The following FHIP1A variants were observed in gnomAD, a reference collection of about 807,000 sequenced individuals.
FHIP1A encodes the protein FHF complex subunit HOOK-interacting protein 1A.
In FHIP1A, 61 loss-of-function variants were observed where a neutral mutation model predicts 88.6. That is an observed-to-expected ratio of 0.69 (90% CI 0.56 to 0.85). The LOEUF is 0.85. Ranked by LOEUF, FHIP1A falls within the 40% of genes least tolerant of loss-of-function variation. FHIP1A has a pLI of 0.00. For synonymous variants in FHIP1A, 478 were observed against 496.0 expected, an observed-to-expected ratio of 0.96 and a Z score of 0.48; for missense variants, 1,154 against 1,273.5, an observed-to-expected ratio of 0.91 and a Z score of 1.43.
chr4:151,476,226 C>T (rs1406320185), intron 2 of FHIP1A, among the ~76,000 whole-genome samples: 6 of 148,314 alleles, frequency 4.0e-5, no homozygotes, highest in Admixed American at 6.8e-5. Context: ...ACTGTGGCCT[C>T]AAACTCCTGG....
At chr4:151,560,074 A>C (rs1290502367) in intron 3 of FHIP1A, among the ~76,000 whole-genome samples, 1 of 152,190 alleles carries the variant, frequency 6.6e-6, no homozygotes, top group African/African-American at 2.4e-5. Flanking sequence ...GCTGAAAACT[A>C]CAGCCACCTC....
At chr4:151,569,462 G>A (rs1733514165) in intron 4 of FHIP1A, among the ~76,000 whole-genome samples, 1 of 151,950 alleles carries the variant, frequency 6.6e-6, no homozygotes, top group South Asian at 2.1e-4. Context: ...TGAGGCAGGA[G>A]AATCACTTGA....
chr4:151,482,212 G>A (rs1233887312), intron 2 of FHIP1A, among the ~76,000 whole-genome samples: 1 of 151,912 alleles, frequency 6.6e-6, no homozygotes, highest in African/African-American at 2.4e-5. Context: ...CCATGGATAT[G>A]GATTTATTTT....
intron 7 of FHIP1A, among the ~76,000 whole-genome samples, chr4:151,610,079 T>C (rs1560798129): frequency 6.6e-6 from 1 of 152,292 alleles, no homozygotes; most frequent in East Asian, 1.9e-4. Flanking sequence ...CCAGGATTGG[T>C]TTCCCAGCTC....
At chr4:151,482,047 A>C (rs1255259917) in intron 2 of FHIP1A, among the ~76,000 whole-genome samples, 2 of 152,138 alleles carry the variant, frequency 1.3e-5, no homozygotes, top group Non-Finnish European at 2.9e-5. Context: ...GAAAACCTGA[A>C]CTATGAATTG....
chr4:151,514,518 G>C (rs1448013238), intron 3 of FHIP1A, among the ~76,000 whole-genome samples: 1 of 151,562 alleles, frequency 6.6e-6, no homozygotes, highest in Non-Finnish European at 1.5e-5. Context: ...TCCAGGAGCT[G>C]GTTTTTTGAA....
rs1227221136 is a variant in FHIP1A at position 151,656,414 on chromosome 4, T to G, written c.2730+4T>G. 1 of 1,551,474 alleles carries G rather than the reference T, an allele frequency of 6.4e-7. No individual in the cohort carries two copies. Among genetic ancestry groups the G allele is most frequent in the Admixed American group, 2.0e-5 (1 of 51,008 alleles). On this transcript the variant is annotated splice_donor_region_variant and intron_variant, in intron 12 of 13. Transcript: ENST00000435205. This position sits in a 1 kb window ranked among gnomAD's most constrained non-coding sequence, Gnocchi z 4.2. ...AAGCGTCCGCTCTCTCTATCAGGTA[T>G]GTTAGCTGAACCCACATCCACACCT...
intron 3 of FHIP1A, among the ~76,000 whole-genome samples, chr4:151,501,320 T>C (rs996704687): frequency 2.0e-5 from 3 of 152,170 alleles, no homozygotes; most frequent in African/African-American, 7.2e-5. Flanking sequence ...TAATTCTATA[T>C]TTAGCTTTTT....
At chr4:151,566,890 T>C (rs978011241) in intron 4 of FHIP1A, among the ~76,000 whole-genome samples, 3 of 152,198 alleles carry the variant, frequency 2.0e-5, no homozygotes, top group Non-Finnish European at 4.4e-5. Context: ...AATAACTTGC[T>C]TAAGGTTATA....
At chr4:151,501,159 A>G (rs1051371844) in intron 3 of FHIP1A, among the ~76,000 whole-genome samples, 9 of 152,206 alleles carry the variant, frequency 5.9e-5, no homozygotes, top group African/African-American at 1.9e-4. Context: ...AACTTGCCAT[A>G]TATGGAGGGG....
intron 3 of FHIP1A, among the ~76,000 whole-genome samples, chr4:151,485,684 C>T (rs1730058997): frequency 1.3e-5 from 2 of 151,834 alleles, no homozygotes; most frequent in Non-Finnish European, 2.9e-5. Context: ...TTTGACCTCC[C>T]GGGCTCAAAC....
chr4:151,432,273 G>A (rs1166596541), intron 1 of FHIP1A, among the ~76,000 whole-genome samples: 1 of 152,160 alleles, frequency 6.6e-6, no homozygotes, highest in African/African-American at 2.4e-5. Flanking sequence ...TATAAGACAA[G>A]ATTCATTCAT....
intron 1 of FHIP1A, among the ~76,000 whole-genome samples, chr4:151,431,694 A>G (rs1437206547): frequency 6.6e-6 from 1 of 152,216 alleles, no homozygotes; most frequent in African/African-American, 2.4e-5. Context: ...GAGAATTAAT[A>G]CTTTCTAAAC....
intron 3 of FHIP1A, among the ~76,000 whole-genome samples, chr4:151,548,187 G>A (rs1487768934): frequency 6.6e-6 from 1 of 152,080 alleles, no homozygotes; most frequent in Non-Finnish European, 1.5e-5. Context: ...TCAGGTTCAT[G>A]CCAGCACCAG....
At chr4:151,662,438 A>T (rs771879932) in intron 13 of FHIP1A, 63 bp from the exon 14 acceptor site, 157 of 1,445,858 alleles carry the variant, frequency 1.1e-4, no homozygotes, top group Non-Finnish European at 1.3e-4. Flanking sequence ...CACATGCTTC[A>T]CTGAAGAGGG....
intron 13 of FHIP1A, among the ~76,000 whole-genome samples, chr4:151,659,634 C>T (rs1737377907): frequency 6.6e-6 from 1 of 152,212 alleles, no homozygotes; most frequent in Admixed American, 6.5e-5. Context: ...CTAATTCTGA[C>T]ATTTATTTAT....
chr4:151,607,691 G>C (rs1419691829), intron 7 of FHIP1A, among the ~76,000 whole-genome samples: 2 of 152,162 alleles, frequency 1.3e-5, no homozygotes, highest in Non-Finnish European at 2.9e-5. Context: ...ATTCTCATTG[G>C]TGTATATGTA....
chr4:151,458,257 G>T (rs190557772), intron 2 of FHIP1A, among the ~76,000 whole-genome samples: 1 of 152,258 alleles, frequency 6.6e-6, no homozygotes, highest in African/African-American at 2.4e-5. Flanking sequence ...AATTGCACTT[G>T]GAAGAAAATA....
chr4:151,533,281 A>G (rs1400065373), intron 3 of FHIP1A, among the ~76,000 whole-genome samples: 4 of 152,102 alleles, frequency 2.6e-5, no homozygotes, highest in Non-Finnish European at 5.9e-5. Flanking sequence ...CTGTGGTCCC[A>G]GCTACTGGGC....
Sources: gnomAD v4.1 joint callset for allele counts (sites outside exome capture counted in the v4.1 genomes callset) on GRCh38, gnomAD v4.1.1 for gene constraint, Gnocchi (gnomAD v3.1) non-coding constraint, MANE v1.5 for transcripts, NCBI Gene and HGNC (gene_info 2026-07-23, HGNC 2026-07-21) for gene names.